The following GNAI3 variants were observed in gnomAD, a reference collection of about 807,000 sequenced individuals.
The protein encoded by GNAI3 is G protein subunit alpha i3.
GNAI3 carries 12 observed loss-of-function variants against 41.8 expected under a neutral mutation model. The ratio of observed to expected loss-of-function variants is 0.29; its 90% CI spans 0.18 to 0.47. The LOEUF is 0.47. Ranked by LOEUF, GNAI3 falls within the 20% of genes least tolerant of loss-of-function variation. The probability of loss-of-function intolerance (pLI) is 1.00; values close to 1 mark genes in which losing one functional copy is unlikely to be tolerated. For synonymous variants in GNAI3, 132 were observed against 146.5 expected, an observed-to-expected ratio of 0.90 and a Z score of 0.71; for missense variants, 360 against 429.6, an observed-to-expected ratio of 0.84 and a Z score of 1.43.
At chr1:109,574,934 G>A (rs771086914) in intron 3 of GNAI3, among the ~76,000 whole-genome samples, 16 of 152,148 alleles carry the variant, frequency 1.1e-4, no homozygotes, top group East Asian at 1.9e-4. Flanking sequence ...TATCAAATGC[G>A]AATTTATATT....
chr1:109,574,551 C>G (rs1406254335), intron 3 of GNAI3, among the ~76,000 whole-genome samples: 1 of 151,938 alleles, frequency 6.6e-6, no homozygotes, highest in Non-Finnish European at 1.5e-5. Flanking sequence ...GTATAACATG[C>G]CCTAGTATAA....
intron 1 of GNAI3, among the ~76,000 whole-genome samples, chr1:109,568,659 C>G (rs1648518538): frequency 6.6e-6 from 1 of 151,938 alleles, no homozygotes; most frequent in Non-Finnish European, 1.5e-5. Context: ...GATTATGTAT[C>G]CAAACTGTAG....
At chr1:109,556,468 G>A (rs1385992223) in intron 1 of GNAI3, among the ~76,000 whole-genome samples, 2 of 152,338 alleles carry the variant, frequency 1.3e-5, no homozygotes, top group East Asian at 3.9e-4. Context: ...GAAACATTGT[G>A]AAGAGTCTTT....
At chr1:109,574,811 A>G (rs1439525866) in intron 3 of GNAI3, among the ~76,000 whole-genome samples, 2 of 152,222 alleles carry the variant, frequency 1.3e-5, no homozygotes, top group African/African-American at 4.8e-5. Context: ...TCAGAGTGTC[A>G]TACTTATGTG....
intron 1 of GNAI3, among the ~76,000 whole-genome samples, chr1:109,560,601 T>TA (rs1436123561): frequency 3.3e-5 from 5 of 151,974 alleles, no homozygotes; most frequent in African/African-American, 1.2e-4. Context: ...TCCTGTCTCT[T>TA]AAAAAAAATC....
intron 1 of GNAI3, among the ~76,000 whole-genome samples, chr1:109,569,974 T>C (rs1344080027): frequency 6.6e-6 from 1 of 152,224 alleles, no homozygotes; most frequent in African/African-American, 2.4e-5. Context: ...AATTCATTAA[T>C]CTCAACTTTT....
In GNAI3 at chr1:109,548,642, G is replaced by A. The variant is rs537462518; in HGVS notation, c.-79G>A. ...CGGAGAGGGCCACCGCCCAGCAATAGACGGTGCCTCAGCCTGCCGAGCCGC... is the reference window on the plus strand; with the variant it reads ...CGGAGAGGGCCACCGCCCAGCAATAAACGGTGCCTCAGCCTGCCGAGCCGC... On this transcript the variant is annotated 5_prime_UTR_variant, in exon 1 of 9. Transcript: ENST00000369851. 55 of 959,194 alleles carry A rather than the reference G, an allele frequency of 5.7e-5. No homozygotes were observed. In the East Asian group the frequency reaches 1.3e-3, roughly 23 times the overall value. 59.4% of individuals were successfully genotyped at this position (959,194 alleles called of 1,614,324 possible).
chr1:109,569,872 T>C (rs910218455), intron 1 of GNAI3, among the ~76,000 whole-genome samples: 1 of 151,970 alleles, frequency 6.6e-6, no homozygotes, highest in African/African-American at 2.4e-5. Context: ...AGAAATTGAT[T>C]CTGAGATTAA....
chr1:109,575,790 A>G (rs1369907298), intron 3 of GNAI3, among the ~76,000 whole-genome samples: 1 of 151,800 alleles, frequency 6.6e-6, no homozygotes, highest in Admixed American at 6.6e-5. Flanking sequence ...TCGGCCTCCC[A>G]AAGTGCTGGG....
chr1:109,555,421 G>A (rs540117272), intron 1 of GNAI3, among the ~76,000 whole-genome samples: 30 of 152,332 alleles, frequency 2.0e-4, no homozygotes, highest in African/African-American at 7.2e-4. Context: ...AAACAAAAAT[G>A]TGAAGTGGCG....
chr1:109,565,802 A>G (rs1311277136), intron 1 of GNAI3, among the ~76,000 whole-genome samples: 1 of 152,178 alleles, frequency 6.6e-6, no homozygotes, highest in Non-Finnish European at 1.5e-5. Flanking sequence ...CCAAGTACTA[A>G]TGTAACAGTG....
chr1:109,581,414 A>C, intron 4 of GNAI3, among the ~76,000 whole-genome samples: 1 of 152,156 alleles, frequency 6.6e-6, no homozygotes, highest in African/African-American at 2.4e-5. Flanking sequence ...ATGGTTAAAC[A>C]CGCATGACCT....
chr1:109,585,690 G>A (rs1252062328), intron 5 of GNAI3, among the ~76,000 whole-genome samples: 1 of 152,010 alleles, frequency 6.6e-6, no homozygotes, highest in Non-Finnish European at 1.5e-5. Flanking sequence ...TGTTAGTAGT[G>A]TACCTTTGAG....
chr1:109,581,302 C>T (rs1043757979), intron 4 of GNAI3, among the ~76,000 whole-genome samples: 1 of 151,428 alleles, frequency 6.6e-6, no homozygotes, highest in African/African-American at 2.4e-5. Context: ...CCCCAGACCT[C>T]CCCAGCTCTT....
Position 109,594,443 on chromosome 1 carries a change from T to C in GNAI3, c.*2121T>C, listed in dbSNP as rs1307704629. On this transcript the variant is annotated 3_prime_UTR_variant, in exon 9 of 9. Coordinates refer to ENST00000369851, the MANE Select transcript of GNAI3 (RefSeq NM_006496.4). Reference sequence around the variant, plus strand: ...AAGAAAAATAGCAGGTCCCCATTTTTCTGCCTCTGTACCATTTACATTTGC... The same window carrying C: ...AAGAAAAATAGCAGGTCCCCATTTTCCTGCCTCTGTACCATTTACATTTGC... The C allele has an allele frequency of 6.6e-6, 1 of 152,232 alleles. No individual in the cohort carries two copies. Among genetic ancestry groups the C allele is most frequent in the Non-Finnish European group, 1.5e-5 (1 of 68,040 alleles). 9.4% of individuals were successfully genotyped at this position (152,232 alleles called of 1,614,324 possible). A position where few individuals can be genotyped will look rare whatever the true frequency, so the allele number is the denominator to read the frequency against.
chr1:109,562,788 A>G lies in GNAI3; in HGVS notation c.119-10949A>G, dbSNP rs115344173. On this transcript the variant is annotated intron_variant, in intron 1 of 8. Transcript: ENST00000369851. ...GTTAGAGGGCCCTAGGTAGGGAGGA[A>G]TATGATTTCAACATTTTAAATCCCA... Among the ~76,000 whole-genome samples, 1,494 of 152,296 alleles carry G rather than the reference A, an allele frequency of 9.8e-3. 22 individuals are homozygous for G. The highest frequency in any genetic ancestry group is 0.034 in the African/African-American group (1,425 of 41,556).
chr1:109,581,891 AAAAACAAAAC>A (rs71069694), intron 4 of GNAI3, among the ~76,000 whole-genome samples: 13 of 150,678 alleles, frequency 8.6e-5, no homozygotes, highest in Admixed American at 2.0e-4. Flanking sequence ...TCTGTCTCAA[AAAAACAAAAC>A]AAAACAAAAC....
chr1:109,588,637 G>A (rs532329496), intron 7 of GNAI3, among the ~76,000 whole-genome samples: 15 of 152,252 alleles, frequency 9.9e-5, no homozygotes, highest in South Asian at 2.1e-4. Flanking sequence ...GCTCATGCCT[G>A]TAATCCCAGC....
At chr1:109,555,750 C>A (rs1411349203) in intron 1 of GNAI3, among the ~76,000 whole-genome samples, 3 of 152,118 alleles carry the variant, frequency 2.0e-5, no homozygotes, top group African/African-American at 7.2e-5. Context: ...AAAATTGATT[C>A]GTAGTCTAGA....
Sources: gnomAD v4.1 joint callset for allele counts (sites outside exome capture counted in the v4.1 genomes callset) on GRCh38, gnomAD v4.1.1 for gene constraint, MANE v1.5 for transcripts, NCBI Gene and HGNC (gene_info 2026-07-23, HGNC 2026-07-21) for gene names.